The following PDE1B variants were observed in gnomAD, a reference collection of about 807,000 sequenced individuals.
PDE1B encodes the protein phosphodiesterase 1B, also known as dual specificity calcium/calmodulin-dependent 3',5'-cyclic nucleotide phosphodiesterase 1B.
In PDE1B, 13 loss-of-function variants were observed where a neutral mutation model predicts 66.7. The observed-to-expected ratio is 0.19, with a 90% CI of 0.13 to 0.31. PDE1B has a LOEUF of 0.31. Ranked by LOEUF, PDE1B falls within the 10% of genes least tolerant of loss-of-function variation. PDE1B has a pLI of 1.00. For synonymous variants in PDE1B, 230 were observed against 253.9 expected, an observed-to-expected ratio of 0.91 and a Z score of 0.90; for missense variants, 485 against 682.3, an observed-to-expected ratio of 0.71 and a Z score of 3.22.
rs1957361807 is a variant in PDE1B at position 54,557,861 on chromosome 12, TC to T, written c.113+7877del. Among the ~76,000 whole-genome samples, 4 of 152,030 alleles carry T rather than the reference TC, an allele frequency of 2.6e-5. No individual in the cohort carries two copies. The South Asian group carries it at 8.3e-4, about 32-fold the overall frequency. On this transcript the variant is annotated intron_variant, in intron 2 of 15. Coordinates refer to ENST00000243052, the MANE Select transcript of PDE1B (RefSeq NM_000924.4). Reference sequence around the variant, plus strand: ...TGGAGAAATGAACCAGAGAAAGAGTTCTTCTGGACTGGGTACTGGGAGCCTC... The same window carrying T: ...TGGAGAAATGAACCAGAGAAAGAGTTTTCTGGACTGGGTACTGGGAGCCTC...
chr12:54,553,356 C>T (rs1439138504), intron 2 of PDE1B, among the ~76,000 whole-genome samples: 1 of 152,232 alleles, frequency 6.6e-6, no homozygotes, highest in African/African-American at 2.4e-5. Flanking sequence ...CTTCCCCCTT[C>T]CTTTGGGACA....
chr12:54,570,527 C>A, intron 6 of PDE1B, 170 bp downstream of exon 6: 1 of 602,882 alleles, frequency 1.7e-6, no homozygotes, highest in Non-Finnish European at 3.0e-6. Flanking sequence ...TTGCTGCAGT[C>A]TTAGTTCCAG....
At position 54,573,245 on chromosome 12, in the gene PDE1B, C is replaced by A. The variant is rs1331191531; in HGVS notation, c.833C>A (p.Thr278Asn). The A allele has an allele frequency of 6.2e-7, 1 of 1,613,660 alleles. No homozygotes were observed. Among genetic ancestry groups the A allele is most frequent in the South Asian group, 1.1e-5 (1 of 91,060 alleles). Residue 278 changes from threonine to asparagine, a missense_variant, in exon 8 of 16, where the codon ACC becomes AAC. Transcript: ENST00000243052. This position sits in a 1 kb window ranked among gnomAD's most constrained non-coding sequence, Gnocchi z 5.2. ...TGTTNSFHIQ[T>N]KSECAIVYND... is the part of the protein sequence containing the mutation. ...ACTACCAACAGCTTCCACATCCAGA[C>A]CAAGTGAGGGGTGGGGATGTGGCAG...
intron 2 of PDE1B, chr12:54,550,278 T>A (rs1957257481): frequency 8.1e-7 from 1 of 1,233,776 alleles, no homozygotes; most frequent in East Asian, 3.7e-5. Flanking sequence ...GTATATGCAG[T>A]GTGGCAGGGC....
Position 54,567,537 on chromosome 12 carries a change from TA to T in PDE1B, c.227+457del, listed in dbSNP as rs1442099107. Reference sequence around the variant, plus strand: ...TAAATAAATAAATAAATAAAAAAAATAAAAAAAGAGCTCCAGGTATCCAGGG... The same window carrying T: ...TAAATAAATAAATAAATAAAAAAAATAAAAAAGAGCTCCAGGTATCCAGGG... On this transcript the variant is annotated intron_variant, in intron 3 of 15. Coordinates refer to ENST00000243052, the MANE Select transcript of PDE1B (RefSeq NM_000924.4). Among the ~76,000 whole-genome samples the T allele has an allele frequency of 2.7e-5, 4 of 149,036 alleles. No individual in the cohort carries two copies. In the East Asian group the frequency reaches 5.9e-4, roughly 22 times the overall value.
In PDE1B at chr12:54,575,509, G is replaced by T; in HGVS notation, c.1186-42G>T. ...CCTGTACCCCAGATCTGGTAGGTCT[G>T]AGGTATCCTCTCCAGCTTTCCTACC... On this transcript the variant is annotated intron_variant, in intron 11 of 15. Coordinates refer to ENST00000243052, the MANE Select transcript of PDE1B (RefSeq NM_000924.4). This position sits in a 1 kb window ranked among gnomAD's most constrained non-coding sequence, Gnocchi z 4.0. 2 of 1,421,900 alleles carry T rather than the reference G, an allele frequency of 1.4e-6. No individual in the cohort carries two copies. The highest frequency in any genetic ancestry group is 2.0e-6 in the Non-Finnish European group (2 of 1,005,096). The allele number at this position is 1,421,900 out of a possible 1,614,324, so 88.1% of individuals were successfully genotyped here.
At position 54,550,205 on chromosome 12, in the gene PDE1B, G is replaced by T. The variant is rs1187303276; in HGVS notation, c.113+220G>T. The T allele has an allele frequency of 2.1e-6, 3 of 1,395,872 alleles. No individual in the cohort carries two copies. In the African/African-American group the frequency reaches 4.3e-5, roughly 20 times the overall value. The allele number at this position is 1,395,872 out of a possible 1,614,324, so 86.5% of individuals were successfully genotyped here. ...TTGGAGCGGGCTTAGGAGTTGCAAA[G>T]GTAACGATGTGCCTGTGCCTGTGGA... is the stretch of plus-strand genomic sequence containing the variant. On this transcript the variant is annotated intron_variant, in intron 2 of 15. Transcript: ENST00000243052.
At chr12:54,554,676 G>A (rs763425025) in intron 2 of PDE1B, among the ~76,000 whole-genome samples, 1 of 152,144 alleles carries the variant, frequency 6.6e-6, no homozygotes. Context: ...CTGGAGGGAG[G>A]GAAGCAGGGA....
At chr12:54,568,588 T>C (rs753696399) in intron 3 of PDE1B, among the ~76,000 whole-genome samples, 3 of 151,958 alleles carry the variant, frequency 2.0e-5, no homozygotes, top group African/African-American at 7.3e-5. Flanking sequence ...CTCACGCCTA[T>C]AATCCCAGCA....
intron 2 of PDE1B, among the ~76,000 whole-genome samples, chr12:54,557,188 A>G (rs1378394153): frequency 6.6e-6 from 1 of 152,180 alleles, no homozygotes; most frequent in Admixed American, 6.5e-5. Flanking sequence ...TGTATAATAA[A>G]TCAAATTGCA....
intron 5 of PDE1B, 133 bp from the exon 6 acceptor site, chr12:54,570,108 G>A (rs1957590730): frequency 1.5e-5 from 10 of 660,474 alleles, no homozygotes; most frequent in South Asian, 5.2e-5. Flanking sequence ...TATATGGGAA[G>A]AAAGAGGCAC....
At position 54,567,042 on chromosome 12, in the gene PDE1B, A is replaced by T. The variant is rs777308352; in HGVS notation, c.182A>T (p.Glu61Val). The change falls in exon 3 of 16, where the codon GAG (glutamate) becomes GTG (valine). Residue 61 changes from glutamate to valine, a missense_variant. Physicochemically the swap from Glu to Val is moderately radical, Grantham distance 121 (BLOSUM62 -2). Around this residue, in one of 4 missense-constraint regions of PDE1B, gnomAD observed 74 missense variants for 78.7 expected, o/e 0.94. Coordinates refer to ENST00000243052, the MANE Select transcript of PDE1B (RefSeq NM_000924.4). ...INIEELKKNL[E>V]YTASLLEAVY... ...ATTGAGGAGCTGAAGAAAAATCTGG[A>T]GTACACAGCTTCTCTGCTGGAAGCC... 30 of 1,611,142 alleles carry T rather than the reference A, an allele frequency of 1.9e-5. No homozygotes were observed. The highest frequency in any genetic ancestry group is 2.5e-5 in the Non-Finnish European group (30 of 1,177,994).
At chr12:54,554,788 A>G (rs76794491) in intron 2 of PDE1B, among the ~76,000 whole-genome samples, 470 of 152,320 alleles carry the variant, frequency 3.1e-3, no homozygotes, top group Non-Finnish European at 5.1e-3. Flanking sequence ...TTTAAGTCAC[A>G]TAGTCTCTCT....
At position 54,569,732 on chromosome 12, in the gene PDE1B, C is replaced by T. The variant is rs921600398; in HGVS notation, c.477+120C>T. 8.8e-6 allele frequency: 6 copies of T among 684,106 alleles called. No homozygotes were observed. The highest frequency in any genetic ancestry group is 1.7e-5 in the South Asian group (1 of 59,890). 42.4% of individuals were successfully genotyped at this position (684,106 alleles called of 1,614,324 possible). The stretch of plus-strand genomic sequence containing the variant: ...CTTTTTTTTTTTTGAAATGGAGTCT[C>T]GCTCTTGTCACTCAGGCTGGAGTGC... On this transcript the variant is annotated intron_variant, in intron 5 of 15. Coordinates refer to ENST00000243052, the MANE Select transcript of PDE1B (RefSeq NM_000924.4). The surrounding 1 kb of genome is among the most constrained non-coding windows in gnomAD (Gnocchi z 4.4).
Position 54,576,558 on chromosome 12 carries a change from G to T in PDE1B, c.1377-13G>T, listed in dbSNP as rs190193110. 7 of 1,614,042 alleles carry T rather than the reference G, an allele frequency of 4.3e-6. No homozygotes were observed. In the African/African-American group the frequency reaches 8.0e-5, roughly 18 times the overall value. ...GGCTTACCTCTTGCGGCTTTTGGGGGTTCTGCTTCTAGCTTTCAGTGGCGC... is the reference window on the plus strand; with the variant it reads ...GGCTTACCTCTTGCGGCTTTTGGGGTTTCTGCTTCTAGCTTTCAGTGGCGC... On this transcript the variant is annotated splice_polypyrimidine_tract_variant and intron_variant, in intron 13 of 15. Coordinates refer to ENST00000243052, the MANE Select transcript of PDE1B (RefSeq NM_000924.4).
Position 54,575,200 on chromosome 12 carries a change from G to A in PDE1B, c.1167G>A (p.Met389Ile). The A allele has an allele frequency of 6.2e-7, 1 of 1,613,522 alleles. No individual in the cohort carries two copies. The highest frequency in any genetic ancestry group is 8.5e-7 in the Non-Finnish European group (1 of 1,179,612). ...LVHSRWTKAL[M>I]EEFFRQGDKE... ...ACAGCCGTTGGACCAAGGCCCTCAT[G>A]GAGGAATTCTTCCGTCAGGTAGCGT... The change falls in exon 11 of 16, where the codon ATG becomes ATA. Residue 389 changes from methionine (M) to isoleucine (I), a missense_variant. Met to Ile is a conservative substitution (Grantham distance 10, BLOSUM62 1). Transcript: ENST00000243052. This position sits in a 1 kb window ranked among gnomAD's most constrained non-coding sequence, Gnocchi z 4.0.
Position 54,569,274 on chromosome 12 carries a change from C to T in PDE1B, c.318C>T (p.Thr106=), listed in dbSNP as rs756491757. 6 of 1,613,960 alleles carry T rather than the reference C, an allele frequency of 3.7e-6. No individual in the cohort carries two copies. In the East Asian group the frequency reaches 6.7e-5, roughly 18 times the overall value. Residue 106 remains threonine (T), a synonymous_variant, in exon 4 of 16, where the codon ACC becomes ACT. Coordinates refer to ENST00000243052, the MANE Select transcript of PDE1B (RefSeq NM_000924.4). The surrounding 1 kb of genome is among the most constrained non-coding windows in gnomAD (Gnocchi z 4.4). ...EVRDWLASTF[T]QQARAKGRRA... is the part of the protein sequence containing the mutation. ...GGGACTGGCTGGCCTCCACCTTCAC[C>T]CAGCAGGCCCGGGCCAAAGGCCGCC... is the stretch of plus-strand genomic sequence containing the variant.
Position 54,576,547 on chromosome 12 carries a change from G to A in PDE1B, c.1377-24G>A, listed in dbSNP as rs752731098. The A allele has an allele frequency of 1.6e-5, 26 of 1,613,766 alleles. No individual in the cohort carries two copies. The East Asian group carries it at 3.3e-4, about 21-fold the overall frequency. On this transcript the variant is annotated intron_variant, in intron 13 of 15. Transcript: ENST00000243052. Reference sequence around the variant, plus strand: ...GAGTGGGCTGGGGCTTACCTCTTGCGGCTTTTGGGGGTTCTGCTTCTAGCT... The same window carrying A: ...GAGTGGGCTGGGGCTTACCTCTTGCAGCTTTTGGGGGTTCTGCTTCTAGCT...
At chr12:54,566,589 C>T (rs767542304) in intron 2 of PDE1B, among the ~76,000 whole-genome samples, 1 of 152,192 alleles carries the variant, frequency 6.6e-6, no homozygotes, top group Non-Finnish European at 1.5e-5. Flanking sequence ...AGTTTCAGCT[C>T]TTGGTTATTC....
Sources: gnomAD v4.1 joint callset for allele counts (sites outside exome capture counted in the v4.1 genomes callset) on GRCh38, gnomAD v4.1.1 for gene constraint, gnomAD v4.1.1 regional missense constraint, Gnocchi (gnomAD v3.1) non-coding constraint, MANE v1.5 for transcripts, NCBI Gene and HGNC (gene_info 2026-07-23, HGNC 2026-07-21) for gene names.